The following PACS2 variants were observed in gnomAD, a reference collection of about 807,000 sequenced individuals.
The protein encoded by PACS2 is phosphofurin acidic cluster sorting protein 2, also known as PACS1-like protein.
Under a neutral mutation model 113.0 loss-of-function variants are expected in PACS2, and 36 were observed. That is an observed-to-expected ratio of 0.32 (90% CI 0.24 to 0.42). The LOEUF is 0.42. PACS2 is among the 10% of genes least tolerant of loss of function. PACS2 has a pLI of 1.00. For synonymous variants in PACS2, 589 were observed against 536.1 expected (o/e 1.10, Z -1.36); for missense variants, 1,015 against 1,239.5 (o/e 0.82, Z 2.72).
chr14:105,305,049 G>A (rs587732833), intron 1 of PACS2, among the ~76,000 whole-genome samples: 1 of 152,346 alleles, frequency 6.6e-6, no homozygotes, highest in Admixed American at 6.5e-5. Context: ...GAGAGGTGGG[G>A]CCTTTGGGAG....
chr14:105,368,701 G>C (rs1274488439), intron 7 of PACS2, among the ~76,000 whole-genome samples, 162 bp downstream of exon 7: 1 of 152,216 alleles, frequency 6.6e-6, no homozygotes, highest in Non-Finnish European at 1.5e-5. Context: ...CTCCTGCCGG[G>C]TGCCACTGTC....
intron 16 of PACS2, chr14:105,384,105 G>T (rs1555412906): frequency 2.0e-6 from 1 of 512,316 alleles, no homozygotes; most frequent in South Asian, 2.1e-5. Context: ...CATGTGCCCT[G>T]CTGGGCCTTC....
rs2059238331 is a variant in PACS2, at chr14:105,329,843, G to T, written c.119+14806G>T. On this transcript the variant is annotated intron_variant, in intron 1 of 24. Transcript: ENST00000447393. The surrounding 1 kb of genome is among the most constrained non-coding windows in gnomAD (Gnocchi z 6.4). ...CCAGGAGGGTGAGGTCTCTGCAGCG[G>T]GAGCATCCAGGCCTGGAACTCGAGC... Among the ~76,000 whole-genome samples, 1 of 152,198 alleles carries T rather than the reference G, an allele frequency of 6.6e-6. No homozygotes were observed. Among genetic ancestry groups the T allele is most frequent in the African/African-American group, 2.4e-5 (1 of 41,446 alleles).
chr14:105,316,014 A>G (rs984928374), intron 1 of PACS2, among the ~76,000 whole-genome samples: 1 of 152,118 alleles, frequency 6.6e-6, no homozygotes, highest in Non-Finnish European at 1.5e-5. Context: ...TTCCACCCCT[A>G]GTCAGCTGCA....
In PACS2 at chr14:105,356,313, C is replaced by T. The variant is rs1408157338; in HGVS notation, c.423+1136C>T. On this transcript the variant is annotated intron_variant, in intron 4 of 24. Coordinates refer to ENST00000447393, the MANE Select transcript of PACS2 (RefSeq NM_001100913.3). The surrounding 1 kb of genome is among the most constrained non-coding windows in gnomAD (Gnocchi z 4.0). ...TCCCTGCTACCCCAGGAGATGGGAG[C>T]GTGGAGGGTACAGGAAGCAGCAGTG... Among the ~76,000 whole-genome samples the T allele has an allele frequency of 3.3e-5, 5 of 152,202 alleles. No individual in the cohort carries two copies. Among genetic ancestry groups the T allele is most frequent in the East Asian group, 1.9e-4 (1 of 5,188 alleles).
intron 13 of PACS2, 132 bp from the exon 14 acceptor site, chr14:105,382,345 G>A: frequency 1.4e-6 from 1 of 722,032 alleles, no homozygotes; most frequent in Non-Finnish European, 2.5e-6. Context: ...CTCCAAGCTG[G>A]CCAGCTCTCT....
chr14:105,308,782 T>C (rs919106325), intron 1 of PACS2, among the ~76,000 whole-genome samples: 1 of 151,792 alleles, frequency 6.6e-6, no homozygotes, highest in Non-Finnish European at 1.5e-5. Context: ...TGCCCAGCCA[T>C]GACTTTGTCT....
intron 8 of PACS2, 112 bp downstream of exon 8, chr14:105,370,012 C>A: frequency 2.2e-6 from 2 of 922,996 alleles, no homozygotes; most frequent in Non-Finnish European, 3.3e-6. Flanking sequence ...CGCTCACCGT[C>A]TGCACGGCCC....
intron 1 of PACS2, among the ~76,000 whole-genome samples, chr14:105,318,561 T>G (rs1369384896): frequency 2.6e-5 from 4 of 151,924 alleles, no homozygotes; most frequent in African/African-American, 7.2e-5. Flanking sequence ...TCGATTTTCC[T>G]GCCTCAGCCT....
chr14:105,394,399 C>T (rs1318863118), intron 24 of PACS2, 155 bp from the exon 25 acceptor site: 7 of 985,214 alleles, frequency 7.1e-6, no homozygotes, highest in East Asian at 1.1e-4. Context: ...CTGGAGCCCC[C>T]GAGTCCCTGA....
chr14:105,331,733 C>T (rs1326598188), intron 1 of PACS2, among the ~76,000 whole-genome samples: 2 of 152,240 alleles, frequency 1.3e-5, no homozygotes, highest in Non-Finnish European at 2.9e-5. Flanking sequence ...GCAGGAGAAA[C>T]AGCAATGCCT....
At chr14:105,352,323 G>A (rs1448448797) in intron 2 of PACS2, 55 bp from the exon 3 acceptor site, 1 of 1,162,654 alleles carries the variant, frequency 8.6e-7, no homozygotes, top group Admixed American at 1.7e-5. Flanking sequence ...GTCTTTGCCT[G>A]GTTTCCTGCT....
chr14:105,352,345 C>G, intron 2 of PACS2, 33 bp from the exon 3 acceptor site: 1 of 1,418,064 alleles, frequency 7.1e-7, no homozygotes, highest in Non-Finnish European at 1.0e-6. Flanking sequence ...ATATGCAGTC[C>G]TTTGAGCTAG....
intron 1 of PACS2, among the ~76,000 whole-genome samples, chr14:105,333,351 G>A (rs780269911): frequency 1.1e-4 from 17 of 152,220 alleles, no homozygotes; most frequent in South Asian, 2.1e-4. Flanking sequence ...AAGCTGCCCC[G>A]TTGCAGGCGT....
chr14:105,382,948 G>C, intron 15 of PACS2, 35 bp downstream of exon 15: 1 of 1,289,190 alleles, frequency 7.8e-7, no homozygotes, highest in South Asian at 1.2e-5. Context: ...CACCACCCAA[G>C]TACCCCTCGG....
chr14:105,391,489 G>A (rs587719000), intron 21 of PACS2, 142 bp from the exon 22 acceptor site: 50 of 750,858 alleles, frequency 6.7e-5, no homozygotes, highest in African/African-American at 4.0e-4. Flanking sequence ...AGACCCTCCC[G>A]TCTCTCACAG....
At position 105,392,667 on chromosome 14, in the gene PACS2, G is replaced by C. The variant is rs782441139; in HGVS notation, c.2304G>C (p.Thr768=). The change falls in exon 23 of 25, where the codon ACG becomes ACC. Residue 768 remains threonine, a synonymous_variant. Coordinates refer to ENST00000447393, the MANE Select transcript of PACS2 (RefSeq NM_001100913.3). ...ELMGLQVDYW[T]AAQPADRKRD... ...TGGGGCTGCAGGTGGACTACTGGAC[G>C]GCAGCACAGCCTGCGGACAGGAAGA... 1.2e-6 allele frequency: 2 copies of C among 1,612,202 alleles called. No homozygotes were observed. Among genetic ancestry groups the C allele is most frequent in the Non-Finnish European group, 8.5e-7 (1 of 1,179,710 alleles).
intron 4 of PACS2, among the ~76,000 whole-genome samples, chr14:105,361,847 G>A (rs1353065638): frequency 6.6e-6 from 1 of 152,188 alleles, no homozygotes; most frequent in African/African-American, 2.4e-5. Flanking sequence ...TACTCAGGAG[G>A]CTGAGGCAGG....
At position 105,355,130 on chromosome 14, in the gene PACS2, A is replaced by T; in HGVS notation, c.376A>T (p.Ile126Phe). Residue 126 changes from isoleucine to phenylalanine, a missense_variant, in exon 4 of 25, where the codon ATC becomes TTC. By Grantham distance (21) the Ile-to-Phe change is conservative. This residue lies in a region of PACS2 where 16 missense variants were observed against 47.6 expected (regional missense o/e 0.34). Coordinates refer to ENST00000447393, the MANE Select transcript of PACS2 (RefSeq NM_001100913.3). This position sits in a 1 kb window ranked among gnomAD's most constrained non-coding sequence, Gnocchi z 4.1. ...CAGAAAGCGCTACAAGAACAGAACCATCCTGGGCTACAAGACGCTGGCCGC... is the reference window on the plus strand; with the variant it reads ...CAGAAAGCGCTACAAGAACAGAACCTTCCTGGGCTACAAGACGCTGGCCGC... ...QRRKRYKNRTILGYKTLAAGS... is the reference protein window; with the variant it reads ...QRRKRYKNRTFLGYKTLAAGS... 2 of 1,613,608 alleles carry T rather than the reference A, an allele frequency of 1.2e-6. No homozygotes were observed. The highest frequency in any genetic ancestry group is 1.7e-6 in the Non-Finnish European group (2 of 1,179,944).
Sources: allele counts gnomAD v4.1 joint callset (sites outside exome capture counted in the v4.1 genomes callset), GRCh38; gene constraint gnomAD v4.1.1; regional missense constraint gnomAD v4.1.1; non-coding constraint Gnocchi (gnomAD v3.1); transcripts MANE v1.5; gene names NCBI Gene and HGNC (gene_info 2026-07-23, HGNC 2026-07-21).